The following NRXN1 variants were observed in gnomAD, a reference collection of about 807,000 sequenced individuals.
The protein encoded by NRXN1 is neurexin-1.
In NRXN1, 39 loss-of-function variants were observed where a neutral mutation model predicts 150.9. That is an observed-to-expected ratio of 0.26 (90% CI 0.20 to 0.34). NRXN1 has a LOEUF of 0.34. NRXN1 is among the 10% of genes least tolerant of loss of function. The probability of loss-of-function intolerance (pLI) is 1.00; values close to 1 mark genes in which losing one functional copy is unlikely to be tolerated. For missense variants in NRXN1, 1,815 were observed against 1,949.9 expected (o/e 0.93, Z 1.30); for synonymous variants, 924 against 757.0 (o/e 1.22, Z -3.62).
intron 18 of NRXN1, among the ~76,000 whole-genome samples, chr2:50,226,312 G>A (rs952372109): frequency 2.0e-5 from 3 of 151,960 alleles, no homozygotes; most frequent in African/African-American, 7.2e-5. Flanking sequence ...ACTTTTAAGT[G>A]TGCTTTTACA....
intron 17 of NRXN1, among the ~76,000 whole-genome samples, chr2:50,291,944 ACT>A (rs1320011657): frequency 1.3e-5 from 2 of 151,932 alleles, no homozygotes; most frequent in African/African-American, 4.8e-5. Flanking sequence ...CCTTAATGGC[ACT>A]CTTTTAGTGT....
chr2:50,383,881 C>A (rs540903710), intron 17 of NRXN1, among the ~76,000 whole-genome samples: 4 of 152,272 alleles, frequency 2.6e-5, no homozygotes, highest in African/African-American at 7.2e-5. Context: ...TACAAAAAGA[C>A]CAGTTGGGAA....
At chr2:50,974,030 T>G (rs1341094449) in intron 2 of NRXN1, among the ~76,000 whole-genome samples, 1 of 152,136 alleles carries the variant, frequency 6.6e-6, no homozygotes, top group South Asian at 2.1e-4. Context: ...ATGAAATTAT[T>G]TGCACATTAC....
At chr2:50,351,564 C>T (rs2078414513) in intron 17 of NRXN1, among the ~76,000 whole-genome samples, 1 of 152,134 alleles carries the variant, frequency 6.6e-6, no homozygotes. Flanking sequence ...TTTACCTGAA[C>T]ACGCCTCACT....
At chr2:49,948,284 C>A (rs1356132153) in intron 21 of NRXN1, among the ~76,000 whole-genome samples, 1 of 152,018 alleles carries the variant, frequency 6.6e-6, no homozygotes, top group Non-Finnish European at 1.5e-5. Flanking sequence ...CTACACTAAC[C>A]AGAACGTGTG....
Position 50,139,773 on chromosome 2 carries a change from C to G in NRXN1, c.3547-48279G>C. Among the ~76,000 whole-genome samples, 3 of 151,940 alleles carry G rather than the reference C, an allele frequency of 2.0e-5. No individual in the cohort carries two copies. In the Middle Eastern group the frequency reaches 0.01, roughly 520 times the overall value. ...AGTCACATAGACTATTCTATCTATA[C>G]TAAGGAAACATTTATAAGATTTTTT... On this transcript the variant is annotated intron_variant, in intron 18 of 22. Coordinates refer to ENST00000401669, the MANE Select transcript of NRXN1 (RefSeq NM_001330078.2).
chr2:50,249,667 G>A (rs545285232), intron 17 of NRXN1, among the ~76,000 whole-genome samples: 6 of 149,156 alleles, frequency 4.0e-5, no homozygotes, highest in African/African-American at 7.4e-5. Flanking sequence ...AGATGGCGTC[G>A]CACTCTGTTG....
At chr2:50,473,422 C>T (rs759776602) in intron 15 of NRXN1, among the ~76,000 whole-genome samples, 2 of 151,442 alleles carry the variant, frequency 1.3e-5, no homozygotes, top group Non-Finnish European at 2.9e-5. Flanking sequence ...AGATTATTTA[C>T]CATATCTGGA....
At chr2:50,428,802 C>T (rs560073065) in intron 17 of NRXN1, among the ~76,000 whole-genome samples, 3 of 151,976 alleles carry the variant, frequency 2.0e-5, no homozygotes, top group African/African-American at 7.2e-5. Context: ...TTAATGTGCA[C>T]AAAAATCCAA....
chr2:50,672,095 T>C (rs887622242), intron 5 of NRXN1, among the ~76,000 whole-genome samples: 8 of 151,970 alleles, frequency 5.3e-5, no homozygotes, highest in African/African-American at 1.9e-4. Flanking sequence ...GATTGCTAAA[T>C]TGATTCTGAA....
chr2:50,001,896 T>A (rs1392342951), intron 21 of NRXN1, among the ~76,000 whole-genome samples: 1 of 151,970 alleles, frequency 6.6e-6, no homozygotes, highest in Non-Finnish European at 1.5e-5. Context: ...TTATAAAGAC[T>A]CCATCTTAGG....
chr2:50,944,321 G>A (rs897774570), intron 2 of NRXN1, among the ~76,000 whole-genome samples: 2 of 152,060 alleles, frequency 1.3e-5, no homozygotes, highest in Non-Finnish European at 2.9e-5. Context: ...AGGAAACTCG[G>A]GGTCTCCAAC....
At position 49,921,774 on chromosome 2, in the gene NRXN1, A is replaced by G. The variant is rs1319509050; in HGVS notation, c.*170T>C. The G allele has an allele frequency of 1.4e-6, 1 of 697,894 alleles. No individual in the cohort carries two copies. The highest frequency in any genetic ancestry group is 2.3e-6 in the Non-Finnish European group (1 of 438,344). 43.2% of individuals were successfully genotyped at this position (697,894 alleles called of 1,614,324 possible). A position where few individuals can be genotyped will look rare whatever the true frequency, so the allele number is the denominator to read the frequency against. On this transcript the variant is annotated 3_prime_UTR_variant, in exon 23 of 23. Coordinates refer to ENST00000401669, the MANE Select transcript of NRXN1 (RefSeq NM_001330078.2). Reference sequence around the variant, plus strand: ...GTTTTTTGTTTTTCTTTTTTGAGAAACAAGAGCATGAGATACTTGTTTTTA... The same window carrying G: ...GTTTTTTGTTTTTCTTTTTTGAGAAGCAAGAGCATGAGATACTTGTTTTTA...
chr2:50,575,552 C>CT (rs1671315208), intron 8 of NRXN1, among the ~76,000 whole-genome samples: 1 of 152,184 alleles, frequency 6.6e-6, no homozygotes, highest in African/African-American at 2.4e-5. Context: ...TCTGATCTCT[C>CT]TTTTTATTGC....
chr2:50,093,175 G>T (rs1312806621), intron 18 of NRXN1, among the ~76,000 whole-genome samples: 1 of 152,042 alleles, frequency 6.6e-6, no homozygotes. Context: ...ATTTTCATTG[G>T]ACTTTTGCTG....
At position 49,921,788 on chromosome 2, in the gene NRXN1, T is replaced by C. The variant is rs201135496; in HGVS notation, c.*156A>G. On this transcript the variant is annotated 3_prime_UTR_variant, in exon 23 of 23. Transcript: ENST00000401669. ...TTTTTTGAGAAACAAGAGCATGAGA[T>C]ACTTGTTTTTATTTTTTAAAAAGTC... is the stretch of plus-strand genomic sequence containing the variant. The C allele has an allele frequency of 6.6e-6, 5 of 759,108 alleles. No individual in the cohort carries two copies. The East Asian group carries it at 1.4e-4, about 21-fold the overall frequency. 47.0% of individuals were successfully genotyped at this position (759,108 alleles called of 1,614,324 possible).
intron 21 of NRXN1, among the ~76,000 whole-genome samples, chr2:50,035,896 T>C (rs1357222282): frequency 2.6e-5 from 4 of 152,126 alleles, no homozygotes; most frequent in Non-Finnish European, 5.9e-5. Context: ...AGTTCACCGA[T>C]GAATACTTCT....
At chr2:50,632,808 G>A (rs932622920) in intron 5 of NRXN1, 4 of 151,918 alleles carry the variant, frequency 2.6e-5, no homozygotes, top group Admixed American at 6.6e-5. Flanking sequence ...TAAAAAGCCC[G>A]GGGCTGGGTG....
In NRXN1 at chr2:50,744,654, G is replaced by A. The variant is rs138752248; in HGVS notation, c.833-121039C>T. 4.7e-3 allele frequency among the ~76,000 whole-genome samples: 717 copies of A among 152,128 alleles called. 6 individuals carry two copies. Among genetic ancestry groups the A allele is most frequent in the African/African-American group, 0.016 (666 of 41,478 alleles). On this transcript the variant is annotated intron_variant, in intron 5 of 22. Coordinates refer to ENST00000401669, the MANE Select transcript of NRXN1 (RefSeq NM_001330078.2). ...AAATTGAGGTCCAGGCTACTTAAGT[G>A]ACTTCACTGAAGCAAAATCCAAGTA...
Sources: gnomAD v4.1 joint callset for allele counts (sites outside exome capture counted in the v4.1 genomes callset) on GRCh38, gnomAD v4.1.1 for gene constraint, MANE v1.5 for transcripts, NCBI Gene and HGNC (gene_info 2026-07-23, HGNC 2026-07-21) for gene names.